The following ELF4 variants were observed in gnomAD, a reference collection of about 807,000 sequenced individuals.
ELF4 encodes ETS-related transcription factor Elf-4.
In ELF4, 10 loss-of-function variants were observed where a neutral mutation model predicts 31.7. The observed-to-expected ratio is 0.32, with a 90% CI of 0.19 to 0.54. ELF4 has a LOEUF of 0.54. Among genes scored for constraint, ELF4 ranks in the 20% least tolerant of loss-of-function variants. The probability of loss-of-function intolerance (pLI) is 0.95; values close to 1 mark genes in which losing one functional copy is unlikely to be tolerated. For missense variants in ELF4, 418 were observed against 522.0 expected (o/e 0.80, Z 1.94); for synonymous variants, 208 against 226.7 (o/e 0.92, Z 0.74).
intron 1 of ELF4, among the ~76,000 whole-genome samples, chrX:130,100,024 C>A (rs1013423045): frequency 2.7e-5 from 3 of 111,185 alleles, no homozygotes; most frequent in African/African-American, 9.8e-5. Context: ...CCTGGTGGGG[C>A]CAACCAGCAG....
chrX:130,074,172 A>C (rs1476264791), intron 3 of ELF4, 31 bp from the exon 4 acceptor site: 1 of 1,194,443 alleles, frequency 8.4e-7, no homozygotes, highest in East Asian at 3.0e-5. Context: ...GGAGGAGAGA[A>C]GAAAAGTTCC....
chrX:130,097,570 A>T (rs1354263048), intron 1 of ELF4, among the ~76,000 whole-genome samples: 1 of 112,575 alleles, frequency 8.9e-6, no homozygotes, highest in Non-Finnish European at 1.9e-5. Context: ...AAGTGTTCAA[A>T]TAGATGCTCC....
intron 1 of ELF4, among the ~76,000 whole-genome samples, chrX:130,097,388 G>C (rs1933169352): frequency 9.1e-6 from 1 of 110,290 alleles, no homozygotes; most frequent in Admixed American, 9.8e-5. Flanking sequence ...AGTGAGTTGA[G>C]ATCGCGCCAC....
At chrX:130,082,655 C>CCG (rs1458573313) in intron 1 of ELF4, among the ~76,000 whole-genome samples, 1 of 111,674 alleles carries the variant, frequency 9.0e-6, no homozygotes, top group Admixed American at 9.5e-5. Flanking sequence ...CTGTCAGTGC[C>CCG]CGGGCGCCTC....
intron 2 of ELF4, among the ~76,000 whole-genome samples, chrX:130,077,182 A>C (rs1951744657): frequency 8.9e-6 from 1 of 112,060 alleles, no homozygotes; most frequent in South Asian, 3.7e-4. Flanking sequence ...GGAGAGCTTA[A>C]AAATTTATTT....
Position 130,067,248 on chromosome X carries a change from G to A in ELF4, c.1465C>T (p.Leu489Phe). ...APLILSGLPQLLAGANRPTNP... is the reference protein window; with the variant it reads ...APLILSGLPQFLAGANRPTNP... Reference sequence around the variant, plus strand: ...GTCGGACGGTTGGCCCCAGCCAGAAGTTGGGGGAGGCCACTGAGAATCAGT... The same window carrying A: ...GTCGGACGGTTGGCCCCAGCCAGAAATTGGGGGAGGCCACTGAGAATCAGT... Residue 489 changes from leucine (L) to phenylalanine (F), a missense_variant, in exon 9 of 9, where the codon CTT becomes TTT. This residue lies in a region of ELF4 where 260 missense variants were observed against 269.2 expected (regional missense o/e 0.97). Coordinates refer to ENST00000308167, the MANE Select transcript of ELF4 (RefSeq NM_001421.4). The A allele has an allele frequency of 8.2e-7, 1 of 1,212,324 alleles. No homozygotes were observed. Among genetic ancestry groups the A allele is most frequent in the Non-Finnish European group, 1.1e-6 (1 of 895,547 alleles).
At position 130,065,206 on chromosome X, in the gene ELF4, T is replaced by C. The variant is rs1932635755; in HGVS notation, c.*1515A>G. The stretch of plus-strand genomic sequence containing the variant: ...ACCCAAAGTCACCAGATAATAGAGT[T>C]GTTTCCGTGGCTGACATTTCTTAGC... On this transcript the variant is annotated 3_prime_UTR_variant, in exon 9 of 9. Coordinates refer to ENST00000308167, the MANE Select transcript of ELF4 (RefSeq NM_001421.4). 1 of 173,813 alleles carries C rather than the reference T, an allele frequency of 5.8e-6. No homozygotes were observed. Among genetic ancestry groups the C allele is most frequent in the Admixed American group, 7.9e-5 (1 of 12,598 alleles). 14.3% of individuals were successfully genotyped at this position (173,813 alleles called of 1,213,427 possible).
chrX:130,074,107 G>C lies in ELF4; in HGVS notation c.282C>G (p.Thr94=). 1 of 1,211,692 alleles carries C rather than the reference G, an allele frequency of 8.3e-7. No homozygotes were observed. The highest frequency in any genetic ancestry group is 1.8e-5 in the South Asian group (1 of 56,963). Residue 94 remains threonine (T), a synonymous_variant, in exon 4 of 9, where the codon ACC becomes ACG. Transcript: ENST00000308167. ...DNEATSHTMS[T]AEVLLNMESP... ...ACTCCATATTGAGTAAGACTTCCGCGGTTGACATGGTGTGCGAGGTGGCCT... is the reference window on the plus strand; with the variant it reads ...ACTCCATATTGAGTAAGACTTCCGCCGTTGACATGGTGTGCGAGGTGGCCT...
At chrX:130,084,134 C>T (rs916623950) in intron 1 of ELF4, among the ~76,000 whole-genome samples, 16 of 112,281 alleles carry the variant, frequency 1.4e-4, no homozygotes, top group African/African-American at 3.6e-4. Context: ...AGCGTGGAGA[C>T]GTGTGCACGA....
At chrX:130,101,319 T>C (rs747020742) in intron 1 of ELF4, among the ~76,000 whole-genome samples, 3 of 112,452 alleles carry the variant, frequency 2.7e-5, no homozygotes, top group Admixed American at 1.9e-4. Flanking sequence ...ATGAGGCAGA[T>C]AGTCATGGAT....
intron 1 of ELF4, among the ~76,000 whole-genome samples, chrX:130,109,301 C>T (rs1933431478): frequency 8.9e-6 from 1 of 112,548 alleles, no homozygotes; most frequent in Non-Finnish European, 1.9e-5. Flanking sequence ...CAGCACTCCT[C>T]CCATTTGAGG....
chrX:130,107,163 G>A lies in ELF4; in HGVS notation c.-210+3162C>T, dbSNP rs910265115. Among the ~76,000 whole-genome samples, 22 of 111,733 alleles carry A rather than the reference G, an allele frequency of 2.0e-4. 1 individual carries two copies. The Admixed American group carries it at 2.1e-3, about 11-fold the overall frequency. The stretch of plus-strand genomic sequence containing the variant: ...AAGGTTGTGGGCACCTGTAATCCTA[G>A]CTATTCAGAAGGCTAAGGCAGGGAG... On this transcript the variant is annotated intron_variant, in intron 1 of 8. Coordinates refer to ENST00000308167, the MANE Select transcript of ELF4 (RefSeq NM_001421.4).
At chrX:130,105,854 C>CTCTG (rs1933368656) in intron 1 of ELF4, among the ~76,000 whole-genome samples, 1 of 86,486 alleles carries the variant, frequency 1.2e-5, no homozygotes, top group Non-Finnish European at 2.3e-5. Context: ...CCCCAGGGGC[C>CTCTG]TGTGTGTGTG....
At chrX:130,108,824 G>A (rs1946054066) in intron 1 of ELF4, among the ~76,000 whole-genome samples, 1 of 102,508 alleles carries the variant, frequency 9.8e-6, no homozygotes, top group East Asian at 3.0e-4. Flanking sequence ...CCCCACCCCT[G>A]CCCCCAACAA....
intron 1 of ELF4, among the ~76,000 whole-genome samples, chrX:130,088,902 T>C (rs1407127503): frequency 8.9e-6 from 1 of 111,934 alleles, no homozygotes; most frequent in Admixed American, 9.5e-5. Flanking sequence ...CTTGCTCAGA[T>C]CTGGAACTTT....
intron 2 of ELF4, among the ~76,000 whole-genome samples, chrX:130,079,973 G>A (rs1322356327): frequency 8.9e-6 from 1 of 111,973 alleles, no homozygotes; most frequent in African/African-American, 3.2e-5. Context: ...GTGCTCAAAG[G>A]CCACTAGGGG....
chrX:130,072,158 C>T, intron 5 of ELF4, 68 bp downstream of exon 5: 1 of 1,174,083 alleles, frequency 8.5e-7, no homozygotes, highest in Non-Finnish European at 1.2e-6. Flanking sequence ...ATCCATGAGC[C>T]CTGACCGCCC....
At chrX:130,080,888 G>C (rs914101971) in intron 2 of ELF4, among the ~76,000 whole-genome samples, 38 of 112,679 alleles carry the variant, frequency 3.4e-4, no homozygotes, top group African/African-American at 1.2e-3. Flanking sequence ...GACACTTTGA[G>C]AGAAGAGAAG....
At chrX:130,101,518 C>A (rs1003002294) in intron 1 of ELF4, among the ~76,000 whole-genome samples, 1 of 111,867 alleles carries the variant, frequency 8.9e-6, no homozygotes, top group Admixed American at 9.5e-5. Context: ...ACAAGCCGGG[C>A]GCGGTGGCTC....
Sources: gnomAD v4.1 joint callset for allele counts (sites outside exome capture counted in the v4.1 genomes callset) on GRCh38, gnomAD v4.1.1 for gene constraint, gnomAD v4.1.1 regional missense constraint, MANE v1.5 for transcripts, NCBI Gene and HGNC (gene_info 2026-07-23, HGNC 2026-07-21) for gene names.